The following DHRSX variants were observed in gnomAD, a reference collection of about 807,000 sequenced individuals.
DHRSX encodes the protein dehydrogenase/reductase X-linked.
Under a neutral mutation model 34.0 loss-of-function variants are expected in DHRSX, and 31 were observed. That is an observed-to-expected ratio of 0.91 (90% CI 0.69 to 1.23). The LOEUF is 1.23. Ranked by LOEUF, DHRSX falls within the 50% of genes most tolerant of loss-of-function variation. DHRSX has a pLI of 0.00. For synonymous variants in DHRSX, 201 were observed against 183.8 expected, an observed-to-expected ratio of 1.09 and a Z score of -0.76; for missense variants, 414 against 428.1, an observed-to-expected ratio of 0.97 and a Z score of 0.29.
chrX:2,398,236 A>T (rs2043439133), intron 3 of DHRSX, among the ~76,000 whole-genome samples: 1 of 152,176 alleles, frequency 6.6e-6, no homozygotes, highest in South Asian at 2.1e-4. Flanking sequence ...TCTCAGAAAC[A>T]GCCTTGCTTC....
At chrX:2,274,903 C>A (rs1219745012) in intron 4 of DHRSX, among the ~76,000 whole-genome samples, 1 of 152,034 alleles carries the variant, frequency 6.6e-6, no homozygotes, top group African/African-American at 2.4e-5. Context: ...CCTATGTAAG[C>A]AGAGCATTGA....
chrX:2,298,608 A>ACACACACACACACACACACACACACGCG lies in DHRSX; in HGVS notation c.287-7006_287-7005insCGCGTGTGTGTGTGTGTGTGTGTGTGTG, dbSNP rs2041966688. ...CTCCTGCAGGCGCGTGTGTACACAC[A>ACACACACACACACACACACACACACGCG]CACACACACACACACACACACACAC... On this transcript the variant is annotated intron_variant, in intron 3 of 6. Transcript: ENST00000334651. Among the ~76,000 whole-genome samples, 10 of 60,086 alleles carry ACACACACACACACACACACACACACGCG rather than the reference A, an allele frequency of 1.7e-4. 3 individuals are homozygous for ACACACACACACACACACACACACACGCG. Among genetic ancestry groups the ACACACACACACACACACACACACACGCG allele is most frequent in the African/African-American group, 3.8e-4 (9 of 23,484 alleles). The allele number at this position is 60,086 out of a possible 152,430, so 39.4% of individuals were successfully genotyped here.
Position 2,350,179 on chromosome X carries a change from G to A in DHRSX, c.286+58566C>T, listed in dbSNP as rs188616203. Among the ~76,000 whole-genome samples the A allele has an allele frequency of 3.4e-4, 51 of 152,080 alleles. 1 individual carries two copies. The highest frequency in any genetic ancestry group is 4.4e-4 in the Non-Finnish European group (30 of 67,976). On this transcript the variant is annotated intron_variant, in intron 3 of 6. Coordinates refer to ENST00000334651, the MANE Select transcript of DHRSX (RefSeq NM_145177.3). ...AGCCTGGCCAACATGGGGAAACACC[G>A]TCTCTACTAAGAAGTACAAAAATTA...
intron 3 of DHRSX, among the ~76,000 whole-genome samples, chrX:2,302,705 C>T (rs1247691032): frequency 6.6e-6 from 1 of 152,116 alleles, no homozygotes; most frequent in Non-Finnish European, 1.5e-5. Flanking sequence ...TGAACTGTTA[C>T]TGCAAGCTGT....
chrX:2,273,209 A>G lies in DHRSX; in HGVS notation c.389-6262T>C, dbSNP rs1008445074. On this transcript the variant is annotated intron_variant, in intron 4 of 6. Coordinates refer to ENST00000334651, the MANE Select transcript of DHRSX (RefSeq NM_145177.3). ...CTCCATCTCAAAAATAAATAAATCA[A>G]TAAAATAAAATAATCAAACAAAACA... 4.6e-5 allele frequency among the ~76,000 whole-genome samples: 7 copies of G among 152,176 alleles called. No individual in the cohort carries two copies. In the South Asian group the frequency reaches 8.3e-4, roughly 18 times the overall value.
Position 2,478,284 on chromosome X carries a change from G to A in DHRSX, c.109+22533C>T, listed in dbSNP as rs185940391. On this transcript the variant is annotated intron_variant, in intron 1 of 6. Transcript: ENST00000334651. ...ACTGTGCCTGGGATGGGCGGTGACA[G>A]AGGAAAGGGATTCCACATGAGAGTC... Among the ~76,000 whole-genome samples, 522 of 152,308 alleles carry A rather than the reference G, an allele frequency of 3.4e-3. 5 individuals carry two copies. Among genetic ancestry groups the A allele is most frequent in the African/African-American group, 0.012 (505 of 41,568 alleles).
At chrX:2,231,908 CT>C (rs2015897806) in intron 6 of DHRSX, among the ~76,000 whole-genome samples, 1 of 147,206 alleles carries the variant, frequency 6.8e-6, no homozygotes, top group African/African-American at 2.5e-5. Context: ...TTTCTCTTAT[CT>C]TCTTCTTTTC....
chrX:2,397,270 G>T (rs2043423756), intron 3 of DHRSX, among the ~76,000 whole-genome samples: 1 of 152,094 alleles, frequency 6.6e-6, no homozygotes, highest in Admixed American at 6.6e-5. Flanking sequence ...GAGTAGCTGG[G>T]ACCACAGTGC....
chrX:2,465,420 C>T (rs2044477851), intron 1 of DHRSX, among the ~76,000 whole-genome samples: 1 of 152,108 alleles, frequency 6.6e-6, no homozygotes, highest in African/African-American at 2.4e-5. Context: ...ACCTGTTTAG[C>T]ATACAAAATC....
At chrX:2,326,258 C>T (rs1324653161) in intron 3 of DHRSX, among the ~76,000 whole-genome samples, 1 of 152,048 alleles carries the variant, frequency 6.6e-6, no homozygotes, top group African/African-American at 2.4e-5. Context: ...CATGGTGGCT[C>T]GCACCTGTAA....
intron 3 of DHRSX, among the ~76,000 whole-genome samples, chrX:2,399,324 T>A (rs1304595927): frequency 2.0e-5 from 3 of 151,108 alleles, no homozygotes; most frequent in Non-Finnish European, 4.4e-5. Flanking sequence ...ACAGCCTGAC[T>A]CGGGACACTT....
At chrX:2,317,625 A>G (rs1218619673) in intron 3 of DHRSX, among the ~76,000 whole-genome samples, 1 of 149,666 alleles carries the variant, frequency 6.7e-6, no homozygotes, top group Non-Finnish European at 1.5e-5. Context: ...GGGAAAGAGG[A>G]AAGAAAAAAA....
chrX:2,409,032 G>T (rs1387104454), intron 2 of DHRSX, among the ~76,000 whole-genome samples: 2 of 152,160 alleles, frequency 1.3e-5, no homozygotes, highest in African/African-American at 4.8e-5. Flanking sequence ...TTGGCAAAAA[G>T]TACAAATGCA....
chrX:2,302,587 G>A (rs1260497853), intron 3 of DHRSX, among the ~76,000 whole-genome samples: 3 of 151,732 alleles, frequency 2.0e-5, no homozygotes, highest in African/African-American at 7.3e-5. Flanking sequence ...ACTCCAGCCT[G>A]GGTGACAGAG....
At chrX:2,327,953 A>C (rs183498431) in intron 3 of DHRSX, among the ~76,000 whole-genome samples, 1 of 152,004 alleles carries the variant, frequency 6.6e-6, no homozygotes, top group East Asian at 1.9e-4. Context: ...GGTGGCACGC[A>C]CCTGTAGTTC....
In DHRSX at chrX:2,473,194, G is replaced by A. The variant is rs182965745; in HGVS notation, c.109+27623C>T. ...GACAGGACTGTTACAGGGACAACAC[G>A]TGGGACGCCAAAAACCAGAAACAAG... On this transcript the variant is annotated intron_variant, in intron 1 of 6. Transcript: ENST00000334651. Among the ~76,000 whole-genome samples the A allele has an allele frequency of 2.9e-4, 44 of 152,244 alleles. No individual in the cohort carries two copies. The East Asian group carries it at 8.3e-3, about 29-fold the overall frequency.
In DHRSX at chrX:2,269,432, C is replaced by T. The variant is rs182446356; in HGVS notation, c.389-2485G>A. 1.6e-4 allele frequency among the ~76,000 whole-genome samples: 24 copies of T among 152,242 alleles called. No homozygotes were observed. The Middle Eastern group carries it at 0.017, about 108-fold the overall frequency. ...CTACACATATATAGGCCTAGCATTT[C>T]TCTACTTATTTGTATATGTATACGT... On this transcript the variant is annotated intron_variant, in intron 4 of 6. Coordinates refer to ENST00000334651, the MANE Select transcript of DHRSX (RefSeq NM_145177.3).
chrX:2,398,663 C>G (rs2043443576), intron 3 of DHRSX, among the ~76,000 whole-genome samples: 2 of 140,666 alleles, frequency 1.4e-5, no homozygotes, highest in Non-Finnish European at 3.0e-5. Context: ...ACGTTAAATG[C>G]ATATTCCTTT....
At chrX:2,480,367 G>A (rs2044750474) in intron 1 of DHRSX, among the ~76,000 whole-genome samples, 1 of 150,826 alleles carries the variant, frequency 6.6e-6, no homozygotes, top group African/African-American at 2.4e-5. Flanking sequence ...GCTTCATGAA[G>A]TGTTTGTCAA....
Sources: allele counts gnomAD v4.1 joint callset (sites outside exome capture counted in the v4.1 genomes callset), GRCh38; gene constraint gnomAD v4.1.1; transcripts MANE v1.5; gene names NCBI Gene and HGNC (gene_info 2026-07-23, HGNC 2026-07-21).